Variants in MGAM observed in about 807,000 individuals in gnomAD.
MGAM encodes the protein alpha-1,4-glucosidase.
A neutral mutation model predicts 358.8 loss-of-function variants in MGAM; 253 were observed. The observed-to-expected ratio is 0.71, with a 90% CI of 0.64 to 0.78. The LOEUF is 0.78. Ranked by LOEUF, MGAM falls within the 30% of genes least tolerant of loss-of-function variation. The pLI is 0.00. For synonymous variants in MGAM, 1,105 were observed against 1,227.1 expected (o/e 0.90, Z 2.08); for missense variants, 3,080 against 3,432.6 (o/e 0.90, Z 2.57).
chr7:142,056,320 G>T (rs1324430872), intron 29 of MGAM, among the ~76,000 whole-genome samples: 1 of 152,160 alleles, frequency 6.6e-6, no homozygotes, highest in Non-Finnish European at 1.5e-5. Flanking sequence ...CATAAGAAGG[G>T]ATAGTAACAC....
chr7:142,042,470 T>C (rs544810070), intron 21 of MGAM, among the ~76,000 whole-genome samples: 499 of 15,990 alleles, frequency 0.031, 127 homozygotes, highest in Non-Finnish European at 0.039. Flanking sequence ...TAATATATAA[T>C]ATATAATATA....
chr7:142,095,185 G>A (rs572380331), intron 63 of MGAM, among the ~76,000 whole-genome samples: 54 of 152,162 alleles, frequency 3.5e-4, no homozygotes, highest in Non-Finnish European at 4.7e-4. Flanking sequence ...AGCTTGTCTC[G>A]AACTCGTGGC....
chr7:142,085,642 A>G (rs1814676677), intron 54 of MGAM, among the ~76,000 whole-genome samples, 191 bp from the exon 55 acceptor site: 1 of 145,638 alleles, frequency 6.9e-6, no homozygotes, highest in African/African-American at 2.4e-5. Flanking sequence ...ATTTTTTTCT[A>G]TCTTATCACT....
Position 142,034,245 on chromosome 7 carries a change from T to G in MGAM, c.1670-17T>G, listed in dbSNP as rs782697713. 70 of 1,538,234 alleles carry G rather than the reference T, an allele frequency of 4.6e-5. No individual in the cohort carries two copies. The highest frequency in any genetic ancestry group is 4.2e-4 in the South Asian group (36 of 84,712). On this transcript the variant is annotated splice_polypyrimidine_tract_variant and intron_variant, in intron 14 of 70. Coordinates refer to ENST00000475668, the MANE Select transcript of MGAM (RefSeq NM_001365693.1). Reference sequence around the variant, plus strand: ...TGCAACTTAGGCTCTCACTGATTGATCCTGCTTTTGTTTCAGGAATCCTGG... The same window carrying G: ...TGCAACTTAGGCTCTCACTGATTGAGCCTGCTTTTGTTTCAGGAATCCTGG...
In MGAM at chr7:142,052,406, C is replaced by A. The variant is rs550361154; in HGVS notation, c.2918C>A (p.Ala973Asp). 44 of 1,613,404 alleles carry A rather than the reference C, an allele frequency of 2.7e-5. No individual in the cohort carries two copies. The Admixed American group carries it at 3.0e-4, about 11-fold the overall frequency. The change falls in exon 25 of 71, where the codon GCT becomes GAT. Residue 973 changes from alanine to aspartate, a missense_variant. By Grantham distance (126) the Ala-to-Asp change is moderately radical (BLOSUM62 -2). Around this residue, in one of 5 missense-constraint regions of MGAM, gnomAD observed 1,816 missense variants for 1,840.5 expected, o/e 0.99. Coordinates refer to ENST00000475668, the MANE Select transcript of MGAM (RefSeq NM_001365693.1). ...KIDCYPDENG[A>D]SAENCTARGC... ...GACTGTTACCCTGATGAGAATGGTG[C>A]TTCTGCCGAAAACTGCACTGCCCGT...
At chr7:142,043,666 T>G (rs1475907163) in intron 21 of MGAM, among the ~76,000 whole-genome samples, 2 of 120,810 alleles carry the variant, frequency 1.7e-5, no homozygotes, top group East Asian at 4.3e-4. Context: ...AATACATATA[T>G]TATATATACA....
In MGAM at chr7:142,050,868, A is replaced by G; in HGVS notation, c.2805+4A>G. The G allele has an allele frequency of 1.2e-6, 2 of 1,613,576 alleles. No homozygotes were observed. The highest frequency in any genetic ancestry group is 1.7e-6 in the Non-Finnish European group (2 of 1,179,578). ...CACTTATGATTCTAACCTGAAGGTAAAAACCCATTTTGTTGAGATGGTACA... is the reference window on the plus strand; with the variant it reads ...CACTTATGATTCTAACCTGAAGGTAGAAACCCATTTTGTTGAGATGGTACA... On this transcript the variant is annotated splice_donor_region_variant and intron_variant, in intron 24 of 70. Coordinates refer to ENST00000475668, the MANE Select transcript of MGAM (RefSeq NM_001365693.1).
intron 21 of MGAM, among the ~76,000 whole-genome samples, chr7:142,043,752 TAC>T (rs1809455878): frequency 1.3e-5 from 1 of 79,714 alleles, no homozygotes; most frequent in Non-Finnish European, 2.8e-5. Flanking sequence ...TATATACACA[TAC>T]GACATATAAT....
intron 18 of MGAM, among the ~76,000 whole-genome samples, chr7:142,037,517 C>G (rs1319156666): frequency 6.6e-6 from 1 of 152,110 alleles, no homozygotes. Flanking sequence ...ATTTTCTTGT[C>G]AAAATACAGT....
Position 142,087,890 on chromosome 7 carries a change from G to A in MGAM, c.6810+1173G>A, listed in dbSNP as rs188303276. On this transcript the variant is annotated intron_variant, in intron 57 of 70. Coordinates refer to ENST00000475668, the MANE Select transcript of MGAM (RefSeq NM_001365693.1). ...GACCTCTTTTGGGAGTTCTTTCTAC[G>A]TAATGTAAGATTGTATCCCATGGAC... Among the ~76,000 whole-genome samples, 60 of 146,556 alleles carry A rather than the reference G, an allele frequency of 4.1e-4. 2 individuals carry two copies. Among genetic ancestry groups the A allele is most frequent in the African/African-American group, 1.2e-3 (49 of 41,288 alleles).
At chr7:142,059,268 C>T (rs1347985806) in intron 31 of MGAM, among the ~76,000 whole-genome samples, 6 of 152,102 alleles carry the variant, frequency 3.9e-5, no homozygotes, top group Admixed American at 1.3e-4. Context: ...GTGCTGACTT[C>T]GATTTTTTTT....
Position 142,032,819 on chromosome 7 carries a change from T to G in MGAM, c.1585-6T>G, listed in dbSNP as rs1366791834. The G allele has an allele frequency of 1.2e-6, 2 of 1,600,800 alleles. No homozygotes were observed. The highest frequency in any genetic ancestry group is 4.5e-5 in the East Asian group (2 of 44,614). On this transcript the variant is annotated splice_polypyrimidine_tract_variant and splice_region_variant and intron_variant, in intron 13 of 70. Transcript: ENST00000475668. Reference sequence around the variant, plus strand: ...TTCTTAATAGTTTTTGCTCTTTGTCTTGTAGGATATGAATGAAGTCTCCAA... The same window carrying G: ...TTCTTAATAGTTTTTGCTCTTTGTCGTGTAGGATATGAATGAAGTCTCCAA...
chr7:142,016,248 CTG>C (rs1288630693), intron 3 of MGAM, among the ~76,000 whole-genome samples: 1 of 152,164 alleles, frequency 6.6e-6, no homozygotes, highest in African/African-American at 2.4e-5. Flanking sequence ...TCTTCAGTAT[CTG>C]GCTTGTCTCT....
intron 1 of MGAM, among the ~76,000 whole-genome samples, chr7:142,002,634 G>T (rs1554451042): frequency 6.6e-6 from 1 of 151,998 alleles, no homozygotes; most frequent in Admixed American, 6.6e-5. Context: ...ACAGGGAAAA[G>T]TTCAGTACGA....
Position 142,059,875 on chromosome 7 carries a change from A to G in MGAM, c.3968A>G (p.Asn1323Ser). 6.2e-7 allele frequency: 1 copy of G among 1,610,498 alleles called. No homozygotes were observed. The highest frequency in any genetic ancestry group is 8.5e-7 in the Non-Finnish European group (1 of 1,178,452). Reference protein sequence around the residue: ...ILILDPAISGNETQPYPAFTR... With the variant: ...ILILDPAISGSETQPYPAFTR... ...TTTCAGGATCCAGCCATTTCTGGCA[A>G]TGAGACACAGCCTTATCCTGCCTTC... The change falls in exon 33 of 71, where the codon AAT becomes AGT. Residue 1323 changes from asparagine (N) to serine (S), a missense_variant. Physicochemically the swap from Asn to Ser is conservative, Grantham distance 46 (BLOSUM62 1). Coordinates refer to ENST00000475668, the MANE Select transcript of MGAM (RefSeq NM_001365693.1).
At chr7:142,095,098 C>G (rs1815774746) in intron 63 of MGAM, among the ~76,000 whole-genome samples, 1 of 152,176 alleles carries the variant, frequency 6.6e-6, no homozygotes, top group African/African-American at 2.4e-5. Context: ...TCTTGAATAG[C>G]TGGGACTACA....
intron 13 of MGAM, 92 bp from the exon 14 acceptor site, chr7:142,032,733 A>G: frequency 1.3e-6 from 1 of 745,352 alleles, no homozygotes; most frequent in Non-Finnish European, 2.2e-6. Context: ...TATCTGGAAT[A>G]ATTTATCTGA....
At chr7:142,064,609 C>A in intron 37 of MGAM, 87 bp downstream of exon 37, 1 of 1,477,526 alleles carries the variant, frequency 6.8e-7, no homozygotes, top group South Asian at 1.3e-5. Context: ...CCTTTCATTC[C>A]ATTTCTAAGG....
Position 142,036,941 on chromosome 7 carries a change from G to A in MGAM, c.2195G>A (p.Ser732Asn). 8 of 1,613,640 alleles carry A rather than the reference G, an allele frequency of 5.0e-6. No homozygotes were observed. Among genetic ancestry groups the A allele is most frequent in the Non-Finnish European group, 6.8e-6 (8 of 1,179,650 alleles). Reference protein sequence around the residue: ...YLYTLFFRAHSRGDTVARPLL... With the variant: ...YLYTLFFRAHNRGDTVARPLL... The stretch of plus-strand genomic sequence containing the variant: ...TACACCCTCTTCTTCCGTGCTCACA[G>A]CCGAGGGGACACGGTGGCCAGGCCC... The change falls in exon 18 of 71, where the codon AGC (serine) becomes AAC (asparagine). Residue 732 changes from serine to asparagine, a missense_variant. Ser to Asn is a conservative substitution (Grantham distance 46, BLOSUM62 1). Around this residue, in one of 5 missense-constraint regions of MGAM, gnomAD observed 1,816 missense variants for 1,840.5 expected, o/e 0.99. Coordinates refer to ENST00000475668, the MANE Select transcript of MGAM (RefSeq NM_001365693.1).
Sources: gnomAD v4.1 joint callset for allele counts (sites outside exome capture counted in the v4.1 genomes callset) on GRCh38, gnomAD v4.1.1 for gene constraint, gnomAD v4.1.1 regional missense constraint, MANE v1.5 for transcripts, NCBI Gene and HGNC (gene_info 2026-07-23, HGNC 2026-07-21) for gene names.